PPP1R9A: variants seen among roughly 807,000 people sequenced by gnomAD.
The protein encoded by PPP1R9A is neurabin-1.
In PPP1R9A, 59 loss-of-function variants were observed where a neutral mutation model predicts 141.9. The ratio of observed to expected loss-of-function variants is 0.42; its 90% CI spans 0.34 to 0.52. PPP1R9A has a LOEUF of 0.52. Among genes scored for constraint, PPP1R9A ranks in the 20% least tolerant of loss-of-function variants. The probability of loss-of-function intolerance (pLI) is 0.10; values close to 1 mark genes in which losing one functional copy is unlikely to be tolerated. For missense variants in PPP1R9A, 1,444 were observed against 1,611.9 expected (o/e 0.90, Z 1.78); for synonymous variants, 500 against 569.7 (o/e 0.88, Z 1.74).
chr7:94,921,789 T>C (rs182245618), intron 2 of PPP1R9A, among the ~76,000 whole-genome samples: 55 of 152,164 alleles, frequency 3.6e-4, no homozygotes, highest in African/African-American at 1.3e-3. Flanking sequence ...TAATATTCTA[T>C]GTCCAGAGCA....
At chr7:94,983,920 G>A (rs1800458944) in intron 2 of PPP1R9A, among the ~76,000 whole-genome samples, 1 of 152,138 alleles carries the variant, frequency 6.6e-6, no homozygotes, top group Non-Finnish European at 1.5e-5. Flanking sequence ...GTTTTCAAAG[G>A]GAATGCTTTC....
chr7:95,140,498 C>A (rs1319867066), intron 4 of PPP1R9A, among the ~76,000 whole-genome samples: 1 of 152,132 alleles, frequency 6.6e-6, no homozygotes, highest in Non-Finnish European at 1.5e-5. Flanking sequence ...TCAAGTGATT[C>A]TTTTGCCTCA....
At chr7:95,026,780 C>G (rs1303367238) in intron 2 of PPP1R9A, among the ~76,000 whole-genome samples, 2 of 152,052 alleles carry the variant, frequency 1.3e-5, no homozygotes, top group Non-Finnish European at 2.9e-5. Context: ...AGATACCCTG[C>G]CCAGAATGTG....
chr7:95,219,088 C>A (rs577533728), intron 7 of PPP1R9A, among the ~76,000 whole-genome samples: 4 of 152,072 alleles, frequency 2.6e-5, no homozygotes, highest in African/African-American at 9.7e-5. Context: ...ATTTGTCATG[C>A]TTTTGCAGTG....
chr7:95,058,308 T>C (rs1162338065), intron 2 of PPP1R9A, among the ~76,000 whole-genome samples: 1 of 152,172 alleles, frequency 6.6e-6, no homozygotes, highest in East Asian at 1.9e-4. Context: ...AGATAGAGAA[T>C]GCAAGGAATT....
intron 2 of PPP1R9A, among the ~76,000 whole-genome samples, chr7:95,042,939 G>C (rs1809472500): frequency 6.6e-6 from 1 of 150,962 alleles, no homozygotes; most frequent in Non-Finnish European, 1.5e-5. Flanking sequence ...GTCCCTTTAA[G>C]ACAGATTTTA....
chr7:95,085,240 T>G (rs1309255117), intron 2 of PPP1R9A, among the ~76,000 whole-genome samples: 1 of 151,912 alleles, frequency 6.6e-6, no homozygotes, highest in Admixed American at 6.6e-5. Flanking sequence ...TTTATTTCTC[T>G]TATTTATATG....
chr7:95,250,181 G>A lies in PPP1R9A; in HGVS notation c.2322G>A (p.Glu774=), dbSNP rs965568755. The change falls in exon 10 of 20, where the codon GAG becomes GAA. Residue 774 remains glutamate (E), a synonymous_variant. Transcript: ENST00000433360. ...ACACAGTGAATGAGCATCTCAAAGAGACTCAAAGCCAGTATCAGGCCTTGG... is the reference window on the plus strand; with the variant it reads ...ACACAGTGAATGAGCATCTCAAAGAAACTCAAAGCCAGTATCAGGCCTTGG... ...LCHTVNEHLK[E]TQSQYQALEK... is the part of the protein sequence containing the mutation. The A allele has an allele frequency of 6.2e-7, 1 of 1,613,974 alleles. No individual in the cohort carries two copies. Among genetic ancestry groups the A allele is most frequent in the Admixed American group, 1.7e-5 (1 of 59,988 alleles).
chr7:95,092,346 C>CT (rs113520728), intron 2 of PPP1R9A, among the ~76,000 whole-genome samples: 5,783 of 139,636 alleles, frequency 0.041, 299 homozygotes, highest in African/African-American at 0.11. Context: ...ATACTACACG[C>CT]TTTTTTTTTT....
At chr7:95,250,482 C>T (rs1407944537) in intron 10 of PPP1R9A, among the ~76,000 whole-genome samples, 1 of 152,150 alleles carries the variant, frequency 6.6e-6, no homozygotes, top group African/African-American at 2.4e-5. Flanking sequence ...GCCAGGGCCT[C>T]TTTGCTATTT....
At position 95,292,672 on chromosome 7, in the gene PPP1R9A, T is replaced by C. The variant is rs181304573; in HGVS notation, c.*2369T>C. On this transcript the variant is annotated 3_prime_UTR_variant, in exon 20 of 20. Coordinates refer to ENST00000433360, the MANE Select transcript of PPP1R9A (RefSeq NM_001166160.2). ...CTAAAATCATTTAGTATTATAAGTA[T>C]TTTGATTTTTTAAGTTAAATTATAG... 2 of 152,322 alleles carry C rather than the reference T, an allele frequency of 1.3e-5. No homozygotes were observed. Among genetic ancestry groups the C allele is most frequent in the African/African-American group, 4.8e-5 (2 of 41,570 alleles). The allele number at this position is 152,322 out of a possible 1,614,324, so 9.4% of individuals were successfully genotyped here.
intron 14 of PPP1R9A, among the ~76,000 whole-genome samples, chr7:95,270,143 G>A (rs1156728899): frequency 3.9e-5 from 6 of 151,950 alleles, no homozygotes; most frequent in Non-Finnish European, 8.8e-5. Flanking sequence ...TTGTGACAGA[G>A]ACTGTGTATC....
At chr7:94,924,059 T>C (rs1418796672) in intron 2 of PPP1R9A, among the ~76,000 whole-genome samples, 2 of 152,170 alleles carry the variant, frequency 1.3e-5, no homozygotes, top group Non-Finnish European at 2.9e-5. Context: ...TATAGATGAT[T>C]GTATATAATT....
intron 2 of PPP1R9A, among the ~76,000 whole-genome samples, chr7:95,033,435 T>A (rs1205792036): frequency 1.3e-5 from 2 of 152,168 alleles, no homozygotes; most frequent in African/African-American, 4.8e-5. Context: ...TAATTGCTTC[T>A]ATGGGTCACA....
intron 6 of PPP1R9A, 23 bp downstream of exon 6, chr7:95,198,507 C>A (rs1387063160): frequency 1.7e-5 from 26 of 1,519,088 alleles, no homozygotes; most frequent in Non-Finnish European, 2.2e-5. Flanking sequence ...TGCAAAGATT[C>A]TTTTTCCCAC....
chr7:95,029,772 CT>C (rs941745669), intron 2 of PPP1R9A, among the ~76,000 whole-genome samples: 7 of 152,024 alleles, frequency 4.6e-5, no homozygotes, highest in Admixed American at 1.3e-4. Context: ...TCATTATTGG[CT>C]TTTTGGAAAA....
chr7:95,117,598 G>C (rs1433447558), intron 3 of PPP1R9A, among the ~76,000 whole-genome samples: 1 of 152,166 alleles, frequency 6.6e-6, no homozygotes, highest in Non-Finnish European at 1.5e-5. Context: ...CCTGAGTCTA[G>C]GCAGAGAAAA....
chr7:95,014,284 A>G (rs528239726), intron 2 of PPP1R9A, among the ~76,000 whole-genome samples: 1 of 152,154 alleles, frequency 6.6e-6, no homozygotes, highest in South Asian at 2.1e-4. Context: ...GTCTCCCTTA[A>G]TTTGGAAGAG....
intron 8 of PPP1R9A, among the ~76,000 whole-genome samples, chr7:95,236,873 G>A (rs1331262913): frequency 2.0e-5 from 3 of 150,784 alleles, no homozygotes; most frequent in African/African-American, 7.3e-5. Flanking sequence ...GAATGCCATT[G>A]TTATTTATAT....
Sources: gnomAD v4.1 joint callset for allele counts (sites outside exome capture counted in the v4.1 genomes callset) on GRCh38, gnomAD v4.1.1 for gene constraint, MANE v1.5 for transcripts, NCBI Gene and HGNC (gene_info 2026-07-23, HGNC 2026-07-21) for gene names.